PRSS55: variants seen among roughly 807,000 people sequenced by gnomAD.
PRSS55 encodes the protein probable serine protease UNQ9391/PRO34284.
PRSS55 carries 41 observed loss-of-function variants against 23.6 expected under a neutral mutation model. The ratio of observed to expected loss-of-function variants is 1.74; its 90% CI spans 1.35 to 2.26. The LOEUF is 2.26. Ranked by LOEUF, PRSS55 falls within the 30% of genes most tolerant of loss-of-function variation. The pLI, the probability that PRSS55 is intolerant of heterozygous loss-of-function variation, is 0.00. For synonymous variants in PRSS55, 262 were observed against 175.5 expected (o/e 1.49, Z -3.90); for missense variants, 669 against 439.1 (o/e 1.52, Z -4.68).
intron 4 of PRSS55, among the ~76,000 whole-genome samples, chr8:10,535,429 CT>C (rs1812420512): frequency 6.6e-6 from 1 of 152,200 alleles, no homozygotes; most frequent in African/African-American, 2.4e-5. Flanking sequence ...CTACAACCAT[CT>C]GATCTTCATC....
chr8:10,548,926 G>A (rs1812887252), intron 4 of PRSS55, among the ~76,000 whole-genome samples: 3 of 151,888 alleles, frequency 2.0e-5, no homozygotes, highest in Admixed American at 6.5e-5. Context: ...GCAGGGGTCC[G>A]ACTGAGGCTG....
intron 4 of PRSS55, among the ~76,000 whole-genome samples, chr8:10,551,499 G>A (rs2117087652): frequency 6.6e-6 from 1 of 152,338 alleles, no homozygotes; most frequent in Admixed American, 6.5e-5. Flanking sequence ...GTGCAGCACA[G>A]GTGGAGGCAT....
At chr8:10,542,127 T>C (rs566184052), downstream of PRSS55, among the ~76,000 whole-genome samples, 1 of 152,276 alleles carries the variant, frequency 6.6e-6, no homozygotes, top group Admixed American at 6.5e-5. Context: ...AAATTGTCAG[T>C]TTAAACATTA....
intron 4 of PRSS55, among the ~76,000 whole-genome samples, chr8:10,553,201 T>G (rs776928957): frequency 3.9e-5 from 6 of 152,364 alleles, no homozygotes; most frequent in East Asian, 3.9e-4. Flanking sequence ...TTGCTGGCTC[T>G]CTCTCTCACC....
At chr8:10,540,238 C>T (rs964366795), downstream of PRSS55, 2 of 152,310 alleles carry the variant, frequency 1.3e-5, no homozygotes, top group Non-Finnish European at 2.9e-5. Flanking sequence ...AGAACGTGTT[C>T]CTGTCTTCCC....
chr8:10,533,374 T>C (rs988259736), intron 4 of PRSS55, among the ~76,000 whole-genome samples: 11 of 152,202 alleles, frequency 7.2e-5, no homozygotes, highest in African/African-American at 2.7e-4. Context: ...ATATAAGAAG[T>C]CATTTTAGTT....
intron 3 of PRSS55, 67 bp from the exon 4 acceptor site, chr8:10,532,839 A>C (rs1365595575): frequency 1.3e-6 from 2 of 1,599,070 alleles, no homozygotes; most frequent in Non-Finnish European, 8.5e-7. Context: ...GGGCACAGTC[A>C]GCTGCATCAC....
At chr8:10,535,239 G>A (rs187028320) in intron 4 of PRSS55, among the ~76,000 whole-genome samples, 1 of 152,216 alleles carries the variant, frequency 6.6e-6, no homozygotes, top group African/African-American at 2.4e-5. Flanking sequence ...TATGAAACCA[G>A]AAAAGAGCCC....
In PRSS55 at chr8:10,531,505, G is replaced by C; in HGVS notation, c.558G>C (p.Trp186Cys). 1 of 1,613,926 alleles carries C rather than the reference G, an allele frequency of 6.2e-7. No homozygotes were observed. Among genetic ancestry groups the C allele is most frequent in the African/African-American group, 1.3e-5 (1 of 75,084 alleles). ...CCACGCAGCCCGGCCCTGCCACATG[G>C]CGCGAATGCTGGGTGGCAGGTTGGG... ...CLPTQPGPAT[W>C]RECWVAGWGQ... Residue 186 changes from tryptophan to cysteine, a missense_variant, in exon 3 of 5, where the codon TGG (tryptophan) becomes TGC (cysteine). Physicochemically the swap from Trp to Cys is radical, Grantham distance 215. Coordinates refer to ENST00000328655, the MANE Select transcript of PRSS55 (RefSeq NM_198464.4).
At chr8:10,538,108 C>T (rs1812518395) in intron 4 of PRSS55, among the ~76,000 whole-genome samples, 1 of 152,166 alleles carries the variant, frequency 6.6e-6, no homozygotes, top group South Asian at 2.1e-4. Flanking sequence ...CCTTTCCTGC[C>T]CTTTCCAGAG....
rs765808771 is a variant in PRSS55, at chr8:10,532,915, ACT to A, written c.611_612del (p.Ser204CysfsTer37). On this transcript the variant is annotated frameshift_variant, in exon 4 of 5. Coordinates refer to ENST00000328655, the MANE Select transcript of PRSS55 (RefSeq NM_198464.4). LOFTEE classifies it high-confidence loss of function. ...TTTCTCTCTGGGCCAGCTGACAAAAACTCTGTGAAAACGGATCTGATGAAAGC... is the reference window on the plus strand; with the variant it reads ...TTTCTCTCTGGGCCAGCTGACAAAAACTGTGAAAACGGATCTGATGAAAGC... 4 of 1,614,012 alleles carry A rather than the reference ACT, an allele frequency of 2.5e-6. No individual in the cohort carries two copies. Among genetic ancestry groups the A allele is most frequent in the South Asian group, 2.2e-5 (2 of 91,072 alleles).
chr8:10,537,339 G>A (rs1255895176), intron 4 of PRSS55, among the ~76,000 whole-genome samples: 1 of 152,150 alleles, frequency 6.6e-6, no homozygotes, highest in Non-Finnish European at 1.5e-5. Context: ...GTATAGAACT[G>A]GAGGACATTA....
chr8:10,534,458 G>A (rs1264551292), intron 4 of PRSS55, among the ~76,000 whole-genome samples: 1 of 152,188 alleles, frequency 6.6e-6, no homozygotes, highest in Admixed American at 6.5e-5. Context: ...CTCCACTGAA[G>A]ACTGCTTGCA....
intron 4 of PRSS55, among the ~76,000 whole-genome samples, chr8:10,537,045 G>T (rs1020009469): frequency 1.3e-5 from 2 of 152,106 alleles, no homozygotes; most frequent in African/African-American, 4.8e-5. Flanking sequence ...AAGAAAATAA[G>T]AAAATCTTGG....
chr8:10,526,183 G>A (rs1379288492), intron 1 of PRSS55, among the ~76,000 whole-genome samples: 1 of 152,184 alleles, frequency 6.6e-6, no homozygotes, highest in Non-Finnish European at 1.5e-5. Context: ...TCTCCAAGGG[G>A]GTGGTCAAGA....
At chr8:10,536,086 T>G (rs1026693733) in intron 4 of PRSS55, among the ~76,000 whole-genome samples, 1 of 152,050 alleles carries the variant, frequency 6.6e-6, no homozygotes, top group African/African-American at 2.4e-5. Context: ...CTCGGGGGGC[T>G]GAGGCAGGAG....
downstream of PRSS55, among the ~76,000 whole-genome samples, chr8:10,541,888 C>T (rs1246142627): frequency 1.3e-5 from 2 of 152,128 alleles, no homozygotes; most frequent in Admixed American, 6.5e-5. Flanking sequence ...ATAGCTGAGT[C>T]CCAGCCTCTC....
chr8:10,533,496 A>G (rs958662604), intron 4 of PRSS55, among the ~76,000 whole-genome samples: 1 of 152,210 alleles, frequency 6.6e-6, no homozygotes, highest in Non-Finnish European at 1.5e-5. Flanking sequence ...TGGATAAACA[A>G]ACAATGATAA....
Position 10,529,906 on chromosome 8 carries a change from A to G in PRSS55, c.347+207A>G, listed in dbSNP as rs542823131. 2.6e-5 allele frequency among the ~76,000 whole-genome samples: 4 copies of G among 152,292 alleles called. No homozygotes were observed. In the East Asian group the frequency reaches 7.8e-4, roughly 30 times the overall value. On this transcript the variant is annotated intron_variant, in intron 2 of 4. Coordinates refer to ENST00000328655, the MANE Select transcript of PRSS55 (RefSeq NM_198464.4). ...GGCTGTGTCCTCCTCACATCACCAG[A>G]GCCAGTGACTACAACCTCCCTGAGG... is the stretch of plus-strand genomic sequence containing the variant.
Sources: gnomAD v4.1 joint callset for allele counts (sites outside exome capture counted in the v4.1 genomes callset) on GRCh38, gnomAD v4.1.1 for gene constraint, MANE v1.5 for transcripts, NCBI Gene and HGNC (gene_info 2026-07-23, HGNC 2026-07-21) for gene names.